The following BICD1 variants were observed in gnomAD, a reference collection of about 807,000 sequenced individuals.
BICD1 encodes the protein BICD cargo adaptor 1.
A neutral mutation model predicts 92.5 loss-of-function variants in BICD1; 35 were observed. That is an observed-to-expected ratio of 0.38 (90% CI 0.29 to 0.50). The LOEUF (loss-of-function observed/expected upper bound fraction) is 0.50, where lower values mean the gene tolerates loss of function less well. Among genes scored for constraint, BICD1 ranks in the 20% least tolerant of loss-of-function variants. The pLI is 0.93. For missense variants in BICD1, 950 were observed against 1,189.8 expected (o/e 0.80, Z 2.97); for synonymous variants, 429 against 465.1 (o/e 0.92, Z 1.00).
intron 2 of BICD1, among the ~76,000 whole-genome samples, chr12:32,230,446 G>A (rs2594011): frequency 0.12 from 3,090 of 24,962 alleles, 66 homozygotes; most frequent in African/African-American, 0.3. Context: ...AAATAAATAA[G>A]CAAGCAAATA....
At position 32,337,280 on chromosome 12, in the gene BICD1, T is replaced by A. The variant is rs1301892008; in HGVS notation, c.2253-219T>A. ...AATAAACAAAACAACAACAACAAAATAATAATAAATTTTTTAAAAATGTCC... is the reference window on the plus strand; with the variant it reads ...AATAAACAAAACAACAACAACAAAAAAATAATAAATTTTTTAAAAATGTCC... On this transcript the variant is annotated intron_variant, in intron 6 of 9. Coordinates refer to ENST00000652176, the MANE Select transcript of BICD1 (RefSeq NM_001714.4). The surrounding 1 kb of genome is among the most constrained non-coding windows in gnomAD (Gnocchi z 4.7). 2.6e-5 allele frequency among the ~76,000 whole-genome samples: 4 copies of A among 152,014 alleles called. No homozygotes were observed.
intron 2 of BICD1, among the ~76,000 whole-genome samples, chr12:32,240,520 G>A (rs12307772): frequency 0.075 from 11,346 of 152,166 alleles, 1,428 homozygotes; most frequent in African/African-American, 0.26. Context: ...TTTTTCTTCT[G>A]TCAAGTCTCC....
chr12:32,240,941 C>G (rs571670573), intron 2 of BICD1, among the ~76,000 whole-genome samples: 2 of 152,170 alleles, frequency 1.3e-5, no homozygotes, highest in Non-Finnish European at 2.9e-5. Context: ...ATGTTCACCT[C>G]ATTGCGATGT....
rs562631570 is a variant in BICD1 at position 32,287,789 on chromosome 12, G to A, written c.427-6205G>A. ...CTTGACCTTGTGATCCGCCCGCCTC[G>A]GCCTCCCAAAGTGCTGGGATTGCAG... On this transcript the variant is annotated intron_variant, in intron 2 of 9. Coordinates refer to ENST00000652176, the MANE Select transcript of BICD1 (RefSeq NM_001714.4). Among the ~76,000 whole-genome samples the A allele has an allele frequency of 9.9e-5, 15 of 152,258 alleles. No individual in the cohort carries two copies. In the East Asian group the frequency reaches 1.4e-3, roughly 14 times the overall value.
intron 4 of BICD1, among the ~76,000 whole-genome samples, chr12:32,308,187 ATAGAC>A (rs1178235618): frequency 6.6e-6 from 1 of 152,246 alleles, no homozygotes; most frequent in Non-Finnish European, 1.5e-5. Flanking sequence ...TGAGTTCTCA[ATAGAC>A]TGTCGTTTTC....
intron 1 of BICD1, among the ~76,000 whole-genome samples, chr12:32,159,530 T>G (rs1393244076): frequency 6.6e-6 from 1 of 152,216 alleles, no homozygotes; most frequent in Non-Finnish European, 1.5e-5. Context: ...CCTGTTCAGC[T>G]TCAGCCACTA....
chr12:32,174,357 G>A (rs538986643), intron 1 of BICD1, among the ~76,000 whole-genome samples: 68 of 152,098 alleles, frequency 4.5e-4, no homozygotes, highest in African/African-American at 1.6e-3. Flanking sequence ...AATCCACTGA[G>A]CCAGGCGTGG....
At chr12:32,148,124 A>G (rs1196206563) in intron 1 of BICD1, among the ~76,000 whole-genome samples, 3 of 73,480 alleles carry the variant, frequency 4.1e-5, no homozygotes, top group Admixed American at 2.0e-4. Context: ...CCTGGGTGAC[A>G]GAGCGAGACT....
At chr12:32,171,084 C>A (rs550822343) in intron 1 of BICD1, among the ~76,000 whole-genome samples, 2 of 152,136 alleles carry the variant, frequency 1.3e-5, no homozygotes, top group African/African-American at 4.8e-5. Context: ...TATGATAGAC[C>A]GTTCTTAGAA....
chr12:32,272,009 T>C (rs1947153347), intron 2 of BICD1, among the ~76,000 whole-genome samples: 1 of 152,136 alleles, frequency 6.6e-6, no homozygotes, highest in African/African-American at 2.4e-5. Context: ...AGTTTACCCA[T>C]TATTGTAGTA....
chr12:32,262,629 G>T (rs975523759), intron 2 of BICD1, among the ~76,000 whole-genome samples: 1 of 152,188 alleles, frequency 6.6e-6, no homozygotes, highest in Non-Finnish European at 1.5e-5. Context: ...CTGGGTTACA[G>T]TGAGCCTTAA....
At chr12:32,190,255 T>G (rs1490857052) in intron 1 of BICD1, among the ~76,000 whole-genome samples, 3 of 152,168 alleles carry the variant, frequency 2.0e-5, no homozygotes, top group Admixed American at 6.6e-5. Context: ...ATAATTAGTT[T>G]AAATGTAAAT....
At chr12:32,227,145 C>T (rs544717531) in intron 2 of BICD1, among the ~76,000 whole-genome samples, 21 of 152,294 alleles carry the variant, frequency 1.4e-4, no homozygotes, top group East Asian at 1.2e-3. Flanking sequence ...GGGGGACACC[C>T]GTGCCCCAGA....
At chr12:32,118,577 C>T (rs1223343913) in intron 1 of BICD1, among the ~76,000 whole-genome samples, 2 of 152,206 alleles carry the variant, frequency 1.3e-5, no homozygotes, top group South Asian at 2.1e-4. Context: ...GCATTTACAT[C>T]GTATTAGGTA....
intron 2 of BICD1, among the ~76,000 whole-genome samples, chr12:32,268,712 C>T (rs1330683897): frequency 5.9e-5 from 9 of 152,196 alleles, no homozygotes; most frequent in Non-Finnish European, 1.2e-4. Flanking sequence ...AGAAGAATCA[C>T]TTGAACCCAG....
intron 2 of BICD1, among the ~76,000 whole-genome samples, chr12:32,258,581 G>C (rs113865615): frequency 6.6e-6 from 1 of 151,830 alleles, no homozygotes; most frequent in Admixed American, 6.6e-5. Flanking sequence ...ATGGTTGGGC[G>C]TGCTGATATT....
At chr12:32,170,161 A>C (rs577809205) in intron 1 of BICD1, among the ~76,000 whole-genome samples, 97 of 152,214 alleles carry the variant, frequency 6.4e-4, no homozygotes, top group Non-Finnish European at 1.2e-3. Flanking sequence ...TCTCTTAGGC[A>C]TCCTGAAATT....
chr12:32,126,625 T>A (rs1247998290), intron 1 of BICD1, among the ~76,000 whole-genome samples: 1 of 151,944 alleles, frequency 6.6e-6, no homozygotes, highest in Non-Finnish European at 1.5e-5. Context: ...GGCATGGTGA[T>A]GCAAGCCTGT....
chr12:32,239,323 T>C (rs1946169609), intron 2 of BICD1, among the ~76,000 whole-genome samples: 2 of 151,172 alleles, frequency 1.3e-5, no homozygotes, highest in South Asian at 4.2e-4. Context: ...TCCCAGCACT[T>C]TGGGAGGCCG....
Sources: gnomAD v4.1 joint callset for allele counts (sites outside exome capture counted in the v4.1 genomes callset) on GRCh38, gnomAD v4.1.1 for gene constraint, Gnocchi (gnomAD v3.1) non-coding constraint, MANE v1.5 for transcripts, NCBI Gene and HGNC (gene_info 2026-07-23, HGNC 2026-07-21) for gene names.